Variants in DIP2C observed in about 807,000 individuals in gnomAD.
The protein encoded by DIP2C is DIP2 acetate--CoA ligase C (putative).
A neutral mutation model predicts 192.4 loss-of-function variants in DIP2C; 33 were observed. The observed-to-expected ratio is 0.17, with a 90% CI of 0.13 to 0.23. DIP2C has a LOEUF of 0.23. DIP2C is among the 10% of genes least tolerant of loss of function. The probability of loss-of-function intolerance (pLI) is 1.00; values close to 1 mark genes in which losing one functional copy is unlikely to be tolerated. For missense variants in DIP2C, 1,537 were observed against 2,110.1 expected, an observed-to-expected ratio of 0.73 and a Z score of 5.32; for synonymous variants, 979 against 864.1, an observed-to-expected ratio of 1.13 and a Z score of -2.33.
chr10:334,009 G>T (rs1205111398), intron 29 of DIP2C, among the ~76,000 whole-genome samples: 1 of 152,064 alleles, frequency 6.6e-6, no homozygotes, highest in African/African-American at 2.4e-5. Flanking sequence ...TGAGTTTTGA[G>T]TGTTTATTAC....
chr10:554,886 T>C (rs548951364), intron 1 of DIP2C, among the ~76,000 whole-genome samples: 4 of 152,118 alleles, frequency 2.6e-5, no homozygotes, highest in African/African-American at 7.2e-5. Context: ...AGACAGAGGA[T>C]AGACAGACAC....
intron 1 of DIP2C, among the ~76,000 whole-genome samples, chr10:684,824 T>G (rs1831252122): frequency 6.6e-6 from 1 of 152,058 alleles, no homozygotes; most frequent in South Asian, 2.1e-4. Flanking sequence ...TTGACACGTA[T>G]TCATATGTGC....
chr10:631,372 TGGG>T (rs998405971), intron 1 of DIP2C: 2 of 152,198 alleles, frequency 1.3e-5, no homozygotes, highest in African/African-American at 4.8e-5. Context: ...CGTCAGCCCC[TGGG>T]GGGTTTACAG....
intron 10 of DIP2C, among the ~76,000 whole-genome samples, chr10:398,246 T>C (rs939088637): frequency 6.6e-6 from 1 of 152,156 alleles, no homozygotes; most frequent in African/African-American, 2.4e-5. Flanking sequence ...CTATTCTCTC[T>C]GAAGCCTGCT....
intron 1 of DIP2C, among the ~76,000 whole-genome samples, chr10:604,788 G>C (rs1852348942): frequency 6.6e-6 from 1 of 152,206 alleles, no homozygotes; most frequent in Non-Finnish European, 1.5e-5. Flanking sequence ...GTTTGCCTAT[G>C]ACTTGGATAA....
intron 31 of DIP2C, among the ~76,000 whole-genome samples, chr10:315,869 G>A (rs569491416): frequency 1.3e-5 from 2 of 152,164 alleles, no homozygotes; most frequent in Admixed American, 6.5e-5. Context: ...TTTTCTCCTT[G>A]TTTTATGCTT....
intron 1 of DIP2C, among the ~76,000 whole-genome samples, chr10:600,606 G>A (rs1400941342): frequency 6.6e-6 from 1 of 151,624 alleles, no homozygotes; most frequent in Non-Finnish European, 1.5e-5. Flanking sequence ...CCACCTTAAA[G>A]AGGGTTTCCG....
chr10:304,940 GCA>G (rs1301941778), intron 32 of DIP2C, among the ~76,000 whole-genome samples: 2 of 152,104 alleles, frequency 1.3e-5, no homozygotes, highest in African/African-American at 2.4e-5. Flanking sequence ...ATATTTGTAT[GCA>G]CACACACGAC....
intron 17 of DIP2C, among the ~76,000 whole-genome samples, chr10:372,721 T>C (rs1264346789): frequency 6.6e-6 from 1 of 151,126 alleles, no homozygotes; most frequent in East Asian, 1.9e-4. Flanking sequence ...GCGCAGGAGG[T>C]CCCAACACAC....
intron 34 of DIP2C, among the ~76,000 whole-genome samples, chr10:284,985 G>T (rs1298186943): frequency 6.6e-6 from 1 of 152,122 alleles, no homozygotes; most frequent in African/African-American, 2.4e-5. Context: ...CTACGTCTCG[G>T]GCAGCACCCG....
chr10:292,061 C>T (rs955373716), intron 32 of DIP2C, among the ~76,000 whole-genome samples: 6 of 152,234 alleles, frequency 3.9e-5, no homozygotes, highest in Non-Finnish European at 7.3e-5. Flanking sequence ...CCGAGGCTGG[C>T]GTCCAGCAGA....
intron 29 of DIP2C, among the ~76,000 whole-genome samples, chr10:339,111 T>C (rs949405541): frequency 6.6e-6 from 1 of 151,886 alleles, no homozygotes; most frequent in African/African-American, 2.4e-5. Flanking sequence ...GTCCTCAAAT[T>C]TACACCCCCA....
chr10:565,574 T>C (rs959329721), intron 1 of DIP2C, among the ~76,000 whole-genome samples: 3 of 152,156 alleles, frequency 2.0e-5, no homozygotes, highest in Non-Finnish European at 4.4e-5. Context: ...CTAACCCAAC[T>C]TCACCTAGAA....
chr10:485,351 G>A (rs997172499), intron 2 of DIP2C, among the ~76,000 whole-genome samples: 1 of 152,142 alleles, frequency 6.6e-6, no homozygotes, highest in African/African-American at 2.4e-5. Flanking sequence ...GCCATCAGGG[G>A]ATCTACCCAG....
intron 1 of DIP2C, among the ~76,000 whole-genome samples, chr10:599,594 AC>A (rs1851926753): frequency 6.6e-6 from 1 of 152,180 alleles, no homozygotes; most frequent in Non-Finnish European, 1.5e-5. Context: ...CGACATGTTA[AC>A]CTGAAAAGGG....
intron 1 of DIP2C, among the ~76,000 whole-genome samples, chr10:546,726 G>A (rs985947472): frequency 2.6e-5 from 4 of 152,016 alleles, no homozygotes; most frequent in Non-Finnish European, 5.9e-5. Flanking sequence ...ACCAGCACAC[G>A]ATTTTGTAAC....
At chr10:417,144 T>C (rs947795987) in intron 6 of DIP2C, among the ~76,000 whole-genome samples, 1 of 152,188 alleles carries the variant, frequency 6.6e-6, no homozygotes, top group Admixed American at 6.5e-5. Flanking sequence ...TTGGTTCAGA[T>C]GAATCATACC....
rs186772023 is a variant in DIP2C, at chr10:565,262, T to G, written c.86-78732A>C. On this transcript the variant is annotated intron_variant, in intron 1 of 36. Transcript: ENST00000280886. ...GCTGGCATTTGTACATACACAGCAT[T>G]TAAGAACCTTAAGAGTACCGCCCTT... Among the ~76,000 whole-genome samples the G allele has an allele frequency of 2.0e-3, 296 of 151,292 alleles. 1 individual carries two copies. The highest frequency in any genetic ancestry group is 0.01 in the Middle Eastern group (3 of 292).
intron 1 of DIP2C, among the ~76,000 whole-genome samples, chr10:611,475 G>T (rs901148751): frequency 1.3e-5 from 2 of 152,058 alleles, no homozygotes; most frequent in Admixed American, 1.3e-4. Context: ...AGCACAGACT[G>T]TTTTTGGGAA....
Sources: allele counts gnomAD v4.1 joint callset (sites outside exome capture counted in the v4.1 genomes callset), GRCh38; gene constraint gnomAD v4.1.1; transcripts MANE v1.5; gene names NCBI Gene and HGNC (gene_info 2026-07-23, HGNC 2026-07-21).